CROCC: variants seen among roughly 807,000 people sequenced by gnomAD.
The protein encoded by CROCC is ciliary rootlet coiled-coil, rootletin.
Under a neutral mutation model 245.2 loss-of-function variants are expected in CROCC, and 180 were observed. The observed-to-expected ratio is 0.73, with a 90% CI of 0.65 to 0.83. The LOEUF (loss-of-function observed/expected upper bound fraction) is 0.83. Ranked by LOEUF, CROCC falls within the 40% of genes least tolerant of loss-of-function variation. The pLI is 0.00. For synonymous variants in CROCC, 1,205 were observed against 1,241.6 expected (o/e 0.97, Z 0.62); for missense variants, 2,688 against 2,779.4 (o/e 0.97, Z 0.74).
chr1:16,934,708 A>G (rs959314249), intron 8 of CROCC, among the ~76,000 whole-genome samples: 5 of 152,406 alleles, frequency 3.3e-5, no homozygotes, highest in African/African-American at 1.2e-4. Flanking sequence ...AAAAGGGTAC[A>G]CAGTAAAATG....
At chr1:16,925,711 A>C (rs1187033101) in intron 3 of CROCC, among the ~76,000 whole-genome samples, 2 of 152,364 alleles carry the variant, frequency 1.3e-5, no homozygotes, top group African/African-American at 4.8e-5. Context: ...CCTGTGTATG[A>C]CTGTGGGGTG....
At chr1:16,963,164 C>T (rs1329317578) in intron 27 of CROCC, among the ~76,000 whole-genome samples, 8 of 135,834 alleles carry the variant, frequency 5.9e-5, no homozygotes, top group Non-Finnish European at 1.1e-4. Context: ...GACTGGGCAA[C>T]AAGAGCGAAA....
chr1:16,940,211 C>A, intron 13 of CROCC, 118 bp downstream of exon 13: 1 of 1,105,094 alleles, frequency 9.0e-7, no homozygotes, highest in Non-Finnish European at 1.3e-6. Flanking sequence ...GCTGCATGTG[C>A]CTATTAACGT....
At chr1:16,965,952 G>A in intron 28 of CROCC, 47 bp from the exon 29 acceptor site, 1 of 1,602,900 alleles carries the variant, frequency 6.2e-7, no homozygotes. Context: ...AGGTTGCAGG[G>A]TGTCAGAGCA....
Position 16,955,330 on chromosome 1 carries a change from C to G in CROCC, c.3484C>G (p.Gln1162Glu), listed in dbSNP as rs768260273. Reference protein sequence around the residue: ...CLREAEELRTQLRLLEDARDG... With the variant: ...CLREAEELRTELRLLEDARDG... Reference sequence around the variant, plus strand: ...CTCACAGGCAGAAGAGCTTCGGACCCAGCTGCGTCTGCTGGAGGATGCCCG... The same window carrying G: ...CTCACAGGCAGAAGAGCTTCGGACCGAGCTGCGTCTGCTGGAGGATGCCCG... The change falls in exon 24 of 37, where the codon CAG (glutamine) becomes GAG (glutamate). Residue 1162 changes from glutamine to glutamate, a missense_variant. Gln to Glu is a conservative substitution (Grantham distance 29). Transcript: ENST00000375541. 13 of 1,608,260 alleles carry G rather than the reference C, an allele frequency of 8.1e-6. No homozygotes were observed. In the South Asian group the frequency reaches 1.4e-4, roughly 18 times the overall value.
At chr1:16,940,176 C>T (rs1374764151) in intron 13 of CROCC, 83 bp downstream of exon 13, 1 of 1,411,480 alleles carries the variant, frequency 7.1e-7, no homozygotes, top group South Asian at 1.3e-5. Flanking sequence ...ATGCGTATGG[C>T]TCTGCACTAA....
Position 16,972,520 on chromosome 1 carries a change from C to CCA in CROCC, c.*75_*76insAC, listed in dbSNP as rs57800163. Reference sequence around the variant, plus strand: ...ACCCTTCTTTTGGACAGCCCCCCCACCCAGAGCCCGGTCCCTTGGGGGCCT... The same window carrying CCA: ...ACCCTTCTTTTGGACAGCCCCCCCACCACCAGAGCCCGGTCCCTTGGGGGCCT... On this transcript the variant is annotated 3_prime_UTR_variant, in exon 37 of 37. Transcript: ENST00000375541. The CCA allele has an allele frequency of 2.1e-6, 2 of 951,180 alleles. No homozygotes were observed. Among genetic ancestry groups the CCA allele is most frequent in the African/African-American group, 3.6e-5 (2 of 55,262 alleles). 58.9% of individuals were successfully genotyped at this position (951,180 alleles called of 1,614,324 possible).
In CROCC at chr1:16,954,583, ACTATG is replaced by A. The variant is rs1304305202; in HGVS notation, c.3322-149_3322-145del. On this transcript the variant is annotated intron_variant, in intron 22 of 36. Transcript: ENST00000375541. This position sits in a 1 kb window ranked among gnomAD's most constrained non-coding sequence, Gnocchi z 4.4. ...GAGGCTGGCTACACGGGCAGCACTC[ACTATG>A]CATCCAGGGGTTGGCAGAGGGTCCG... The A allele has an allele frequency of 1.7e-5, 20 of 1,182,250 alleles. No homozygotes were observed. The highest frequency in any genetic ancestry group is 2.3e-5 in the Non-Finnish European group (20 of 854,748). 73.2% of individuals were successfully genotyped at this position (1,182,250 alleles called of 1,614,324 possible).
chr1:16,923,315 C>A (rs577347503), intron 2 of CROCC, among the ~76,000 whole-genome samples: 2 of 152,276 alleles, frequency 1.3e-5, no homozygotes, highest in Non-Finnish European at 2.9e-5. Context: ...TGGCGTGTGG[C>A]GTTTTGGTGC....
In CROCC at chr1:16,922,729, C is replaced by G. The variant is rs759950146; in HGVS notation, c.127C>G (p.Gln43Glu). The change falls in exon 2 of 37, where the codon CAG becomes GAG. Residue 43 changes from glutamine to glutamate, a missense_variant. Around this residue, in one of 9 missense-constraint regions of CROCC, gnomAD observed 972 missense variants for 895.3 expected, o/e 1.09. Coordinates refer to ENST00000375541, the MANE Select transcript of CROCC (RefSeq NM_014675.5). ...CGCGCGGGACCTGGCCCAGGACGCT[C>G]AGATCACCAGCCTGCCTGCCCTTAT... ...LGARDLAQDA[Q>E]ITSLPALIRE... is the part of the protein sequence containing the mutation. 7 of 1,613,792 alleles carry G rather than the reference C, an allele frequency of 4.3e-6. No homozygotes were observed. The Admixed American group carries it at 8.3e-5, about 19-fold the overall frequency.
chr1:16,950,222 C>G (rs1221550113), intron 19 of CROCC, among the ~76,000 whole-genome samples: 9 of 151,970 alleles, frequency 5.9e-5, no homozygotes, highest in Non-Finnish European at 8.8e-5. Flanking sequence ...CGCCACCATG[C>G]CTGGCTAATT....
At chr1:16,970,492 G>T in intron 34 of CROCC, 39 bp downstream of exon 34, 1 of 1,520,888 alleles carries the variant, frequency 6.6e-7, no homozygotes, top group Non-Finnish European at 8.9e-7. Flanking sequence ...CTTCCTCTGG[G>T]GCCTAACCGT....
chr1:16,937,849 A>T, intron 10 of CROCC, 112 bp downstream of exon 10: 2 of 930,466 alleles, frequency 2.1e-6, no homozygotes, highest in South Asian at 3.0e-5. Context: ...TCCCACTCAC[A>T]CTCAGGTTCA....
intron 8 of CROCC, among the ~76,000 whole-genome samples, chr1:16,932,530 A>T (rs975954827): frequency 6.6e-6 from 1 of 152,172 alleles, no homozygotes; most frequent in African/African-American, 2.4e-5. Flanking sequence ...GCTCAGAAGG[A>T]TGGGAGGGGT....
At chr1:16,964,165 C>T (rs1460169219) in intron 27 of CROCC, among the ~76,000 whole-genome samples, 2 of 143,960 alleles carry the variant, frequency 1.4e-5, no homozygotes, top group African/African-American at 2.6e-5. Flanking sequence ...GACAGAGTCT[C>T]TCTCTGTTGC....
intron 31 of CROCC, 134 bp from the exon 32 acceptor site, chr1:16,968,982 G>A (rs2076465563): frequency 3.4e-6 from 3 of 885,890 alleles, no homozygotes; most frequent in Admixed American, 4.2e-5. Context: ...AGGAACACTG[G>A]GTCTCAATGA....
Position 16,966,276 on chromosome 1 carries a change from G to A in CROCC, c.4697-132G>A, listed in dbSNP as rs1361216536. On this transcript the variant is annotated intron_variant, in intron 29 of 36. Coordinates refer to ENST00000375541, the MANE Select transcript of CROCC (RefSeq NM_014675.5). This position sits in a 1 kb window ranked among gnomAD's most constrained non-coding sequence, Gnocchi z 4.8. ...CCTTGGACAGCCTCACCTGTGTGCA[G>A]GCCCGCATACTACGAAGGGTGCAGA... 1 of 1,429,900 alleles carries A rather than the reference G, an allele frequency of 7.0e-7. No homozygotes were observed. The highest frequency in any genetic ancestry group is 1.4e-5 in the African/African-American group (1 of 70,124). 88.6% of individuals were successfully genotyped at this position (1,429,900 alleles called of 1,614,324 possible).
intron 12 of CROCC, among the ~76,000 whole-genome samples, 185 bp from the exon 13 acceptor site, chr1:16,939,709 G>C (rs183924385): frequency 6.6e-6 from 1 of 152,210 alleles, no homozygotes; most frequent in South Asian, 2.1e-4. Flanking sequence ...AGAGGGTGGC[G>C]AGGGCACATA....
chr1:16,948,422 G>C lies in CROCC; in HGVS notation c.2606G>C (p.Arg869Pro). Reference protein sequence around the residue: ...RQVEALERAAREKEALAKEHA... With the variant: ...RQVEALERAAPEKEALAKEHA... ...GTGGAGGCGCTGGAGCGAGCGGCCC[G>C]TGAGAAGGAGGCGCTAGCCAAGGAG... Residue 869 changes from arginine to proline, a missense_variant, in exon 18 of 37, where the codon CGT (arginine) becomes CCT (proline). By Grantham distance (103) the Arg-to-Pro change is moderately radical. Coordinates refer to ENST00000375541, the MANE Select transcript of CROCC (RefSeq NM_014675.5). The C allele has an allele frequency of 6.4e-7, 1 of 1,571,670 alleles. No individual in the cohort carries two copies. The highest frequency in any genetic ancestry group is 8.6e-7 in the Non-Finnish European group (1 of 1,160,510).
Sources: gnomAD v4.1 joint callset for allele counts (sites outside exome capture counted in the v4.1 genomes callset) on GRCh38, gnomAD v4.1.1 for gene constraint, gnomAD v4.1.1 regional missense constraint, Gnocchi (gnomAD v3.1) non-coding constraint, MANE v1.5 for transcripts, NCBI Gene and HGNC (gene_info 2026-07-23, HGNC 2026-07-21) for gene names.